SYT14: variants seen among roughly 807,000 people sequenced by gnomAD.
SYT14 encodes synaptotagmin-14.
A neutral mutation model predicts 74.2 loss-of-function variants in SYT14; 32 were observed. That is an observed-to-expected ratio of 0.43 (90% CI 0.33 to 0.58). The LOEUF (loss-of-function observed/expected upper bound fraction) is 0.58. Ranked by LOEUF, SYT14 falls within the 20% of genes least tolerant of loss-of-function variation. The pLI, the probability that SYT14 is intolerant of heterozygous loss-of-function variation, is 0.05. For synonymous variants in SYT14, 298 were observed against 337.7 expected (o/e 0.88, Z 1.29); for missense variants, 791 against 981.8 (o/e 0.81, Z 2.60).
At chr1:209,943,481 C>T (rs2078769352) in intron 1 of SYT14, among the ~76,000 whole-genome samples, 1 of 121,896 alleles carries the variant, frequency 8.2e-6, no homozygotes, top group Admixed American at 1.1e-4. Flanking sequence ...TGCACTTCAG[C>T]CTGGACAACA....
intron 5 of SYT14, among the ~76,000 whole-genome samples, chr1:210,043,961 T>A (rs189092381): frequency 1.3e-5 from 2 of 152,236 alleles, no homozygotes; most frequent in East Asian, 3.9e-4. Flanking sequence ...GGGCATGGAG[T>A]GTATTTTTTC....
At chr1:209,941,365 T>C (rs932521693) in intron 1 of SYT14, among the ~76,000 whole-genome samples, 18 of 152,350 alleles carry the variant, frequency 1.2e-4, no homozygotes, top group African/African-American at 3.6e-4. Flanking sequence ...TTTTGAAATA[T>C]TGACAATAGT....
At chr1:209,979,919 A>G (rs1216117568) in intron 2 of SYT14, among the ~76,000 whole-genome samples, 2 of 152,210 alleles carry the variant, frequency 1.3e-5, no homozygotes, top group African/African-American at 4.8e-5. Flanking sequence ...GAACATGTGC[A>G]TGCATATGTC....
chr1:209,977,539 T>C (rs1158293451), intron 2 of SYT14, among the ~76,000 whole-genome samples: 4 of 152,232 alleles, frequency 2.6e-5, no homozygotes, highest in Non-Finnish European at 5.9e-5. Flanking sequence ...TGGTCCCCAC[T>C]GTCTTCTGGC....
intron 5 of SYT14, among the ~76,000 whole-genome samples, chr1:210,080,278 C>G (rs2081594172): frequency 6.6e-6 from 1 of 152,106 alleles, no homozygotes; most frequent in Non-Finnish European, 1.5e-5. Context: ...CCAGTGTCCC[C>G]TAAAAGAAAT....
exon 4 of SYT14, chr1:210,015,837 A>G: frequency 1.7e-6 from 2 of 1,193,800 alleles, no homozygotes; most frequent in Non-Finnish European, 2.1e-6. Context: ...ATTTCTTTCA[A>G]TGCATAATGT....
intron 2 of SYT14, among the ~76,000 whole-genome samples, chr1:209,976,253 ATG>A (rs2079361639): frequency 6.7e-6 from 1 of 149,492 alleles, no homozygotes; most frequent in Non-Finnish European, 1.5e-5. Context: ...TAGCTTTTGA[ATG>A]TGTTTGCTCT....
chr1:210,095,615 C>G (rs943592904), intron 6 of SYT14, among the ~76,000 whole-genome samples: 1 of 152,126 alleles, frequency 6.6e-6, no homozygotes, highest in African/African-American at 2.4e-5. Context: ...TTCAGTAATA[C>G]TGAAATATGT....
chr1:209,990,852 T>A (rs1254318968), intron 2 of SYT14, among the ~76,000 whole-genome samples: 4 of 152,014 alleles, frequency 2.6e-5, no homozygotes, highest in Non-Finnish European at 5.9e-5. Context: ...TTGGTATTAT[T>A]ACAAAGTTGG....
intron 7 of SYT14, among the ~76,000 whole-genome samples, chr1:210,154,908 T>C (rs1386187597): frequency 6.6e-6 from 1 of 152,240 alleles, no homozygotes; most frequent in East Asian, 1.9e-4. Context: ...ATTTTGCTTA[T>C]TGTGATATTC....
exon 4 of SYT14, chr1:210,016,824 G>A (rs1236117709): frequency 4.9e-6 from 6 of 1,231,600 alleles, no homozygotes; most frequent in Non-Finnish European, 6.1e-6. Context: ...GCATCCAAAG[G>A]GAATGAGTGT....
intron 5 of SYT14, among the ~76,000 whole-genome samples, chr1:210,023,760 G>T (rs941296084): frequency 4.6e-4 from 70 of 152,332 alleles, no homozygotes; most frequent in Middle Eastern, 3.4e-3. Context: ...ACTTGAGTGA[G>T]AATTATTTCA....
intron 2 of SYT14, among the ~76,000 whole-genome samples, chr1:209,987,231 T>C (rs1038828468): frequency 6.6e-6 from 1 of 152,236 alleles, no homozygotes; most frequent in African/African-American, 2.4e-5. Flanking sequence ...TTTTCAGATA[T>C]CTTTATAGCA....
chr1:210,041,684 TTAAAAA>T (rs1443438281), intron 5 of SYT14, among the ~76,000 whole-genome samples: 5 of 152,054 alleles, frequency 3.3e-5, no homozygotes, highest in African/African-American at 7.2e-5. Context: ...AATCATAAAC[TTAAAAA>T]TAAATACTCA....
intron 2 of SYT14, among the ~76,000 whole-genome samples, chr1:209,970,472 C>T (rs2079231884): frequency 1.3e-5 from 2 of 151,800 alleles, no homozygotes; most frequent in Admixed American, 6.6e-5. Context: ...AGCCTTATAC[C>T]ATTTAGTTTA....
chr1:210,163,567 T>C (rs573235839), exon 10 of SYT14: 1 of 453,502 alleles, frequency 2.2e-6, no homozygotes, highest in African/African-American at 2.0e-5. Context: ...AAACATTTCA[T>C]ACATTTAGGA....
At position 209,990,539 on chromosome 1, in the gene SYT14, G is replaced by GTATACATATATA. The variant is rs1553262347; in HGVS notation, c.-485-23090_-485-23089insCATATATATATA. On this transcript the variant is annotated intron_variant, in intron 2 of 9. Coordinates refer to ENST00000637265, the Ensembl canonical transcript of SYT14. ...GAATATTTCACATATATATATATACGTATATATATGTATATATATACGTAT... is the reference window on the plus strand; with the variant it reads ...GAATATTTCACATATATATATATACGTATACATATATATATATATATGTATATATATACGTAT... Among the ~76,000 whole-genome samples the GTATACATATATA allele has an allele frequency of 2.8e-4, 7 of 24,722 alleles. 1 individual carries two copies. Among genetic ancestry groups the GTATACATATATA allele is most frequent in the African/African-American group, 5.3e-4 (2 of 3,772 alleles). The allele number at this position is 24,722 out of a possible 152,430, so 16.2% of individuals were successfully genotyped here. A position where few individuals can be genotyped will look rare whatever the true frequency, so the allele number is the denominator to read the frequency against.
chr1:210,087,438 T>C (rs12736613), intron 5 of SYT14, among the ~76,000 whole-genome samples: 1 of 152,176 alleles, frequency 6.6e-6, no homozygotes, highest in East Asian at 1.9e-4. Flanking sequence ...GACTGCACAT[T>C]AGGTTGCTCT....
chr1:210,166,836 T>C (rs2083460889), exon 10 of SYT14: 3 of 152,200 alleles, frequency 2.0e-5, no homozygotes, highest in Admixed American at 2.0e-4. Context: ...TTTCAGTGCC[T>C]GTAGATCAGA....
Sources: allele counts gnomAD v4.1 joint callset (sites outside exome capture counted in the v4.1 genomes callset), GRCh38; gene constraint gnomAD v4.1.1; transcripts MANE v1.5; gene names NCBI Gene and HGNC (gene_info 2026-07-23, HGNC 2026-07-21).